Variants in ODF1 observed in about 807,000 individuals in gnomAD.
The protein encoded by ODF1 is outer dense fiber of sperm tails 1.
Under a neutral mutation model 24.0 loss-of-function variants are expected in ODF1, and 10 were observed. That is an observed-to-expected ratio of 0.42 (90% CI 0.26 to 0.71). ODF1 has a LOEUF of 0.71. Among genes scored for constraint, ODF1 ranks in the 30% least tolerant of loss-of-function variants. ODF1 has a pLI of 0.28. For synonymous variants in ODF1, 118 were observed against 121.3 expected, an observed-to-expected ratio of 0.97 and a Z score of 0.18; for missense variants, 282 against 307.9, an observed-to-expected ratio of 0.92 and a Z score of 0.63.
intron 1 of ODF1, among the ~76,000 whole-genome samples, chr8:102,552,977 C>T (rs147775816): frequency 1.5e-5 from 2 of 135,974 alleles, no homozygotes; most frequent in East Asian, 2.1e-4. Flanking sequence ...AGACAGATGA[C>T]AGATAGATAG....
intron 1 of ODF1, among the ~76,000 whole-genome samples, chr8:102,554,229 G>A (rs1188824381): frequency 1.3e-5 from 2 of 152,124 alleles, no homozygotes; most frequent in South Asian, 2.1e-4. Flanking sequence ...CTAAGCTAGC[G>A]CCTGATCCAT....
At chr8:102,555,137 C>T (rs1258901100) in intron 1 of ODF1, among the ~76,000 whole-genome samples, 1 of 152,120 alleles carries the variant, frequency 6.6e-6, no homozygotes, top group Non-Finnish European at 1.5e-5. Flanking sequence ...GTGTCCCTGT[C>T]TCTTCCTCCC....
At chr8:102,557,176 G>A (rs1826122218) in intron 1 of ODF1, among the ~76,000 whole-genome samples, 1 of 152,132 alleles carries the variant, frequency 6.6e-6, no homozygotes, top group African/African-American at 2.4e-5. Flanking sequence ...ATTTCCCTAT[G>A]TTTATTGAGA....
At chr8:102,557,105 C>T (rs986466861) in intron 1 of ODF1, among the ~76,000 whole-genome samples, 2 of 152,142 alleles carry the variant, frequency 1.3e-5, no homozygotes, top group Non-Finnish European at 2.9e-5. Context: ...GCAGCAGACA[C>T]AGGCACTGGC....
intron 1 of ODF1, among the ~76,000 whole-genome samples, chr8:102,553,269 C>A (rs554759078): frequency 6.7e-6 from 1 of 149,728 alleles, no homozygotes; most frequent in African/African-American, 2.5e-5. Context: ...CCCAGCTACT[C>A]GTGAGACTGA....
intron 1 of ODF1, among the ~76,000 whole-genome samples, chr8:102,553,626 C>A (rs1287004410): frequency 5.3e-5 from 8 of 152,190 alleles, no homozygotes; most frequent in African/African-American, 1.9e-4. Flanking sequence ...TCTCCTCCTA[C>A]TTTTGGATAC....
Position 102,560,525 on chromosome 8 carries a change from T to C in ODF1, c.394T>C (p.Cys132Arg). Residue 132 changes from cysteine (C) to arginine (R), a missense_variant, in exon 2 of 2, where the codon TGC becomes CGC. Transcript: ENST00000285402. ...TAACATTTTAGGATCGGTGAATGTA[T>C]GCGGTTTTGAACCCGATCAAGTCAA... The part of the protein sequence containing the change: ...SSNILGSVNV[C>R]GFEPDQVKVR... 2 of 1,614,216 alleles carry C rather than the reference T, an allele frequency of 1.2e-6. No homozygotes were observed. Among genetic ancestry groups the C allele is most frequent in the Non-Finnish European group, 1.7e-6 (2 of 1,180,034 alleles).
At chr8:102,555,553 A>G (rs1267984790) in intron 1 of ODF1, among the ~76,000 whole-genome samples, 2 of 152,050 alleles carry the variant, frequency 1.3e-5, no homozygotes, top group Non-Finnish European at 2.9e-5. Context: ...CTGCCTTCTC[A>G]TTTCTTGGTT....
Position 102,551,881 on chromosome 8 carries a change from T to C in ODF1, c.154T>C (p.Tyr52His). 6.2e-7 allele frequency: 1 copy of C among 1,614,134 alleles called. No homozygotes were observed. The highest frequency in any genetic ancestry group is 8.5e-7 in the Non-Finnish European group (1 of 1,180,036). Residue 52 changes from tyrosine to histidine, a missense_variant, in exon 1 of 2, where the codon TAT becomes CAT. Transcript: ENST00000285402. ...HPYCCCDLHP[Y>H]PYCLCYSKRS... The stretch of plus-strand genomic sequence containing the variant: ...CTATTGCTGCTGTGACTTGCACCCA[T>C]ATCCGTACTGCTTGTGCTATTCCAA...
rs534791072 is a variant in ODF1 at position 102,554,945 on chromosome 8, G to C, written c.320+2898G>C. 8.4e-4 allele frequency among the ~76,000 whole-genome samples: 128 copies of C among 152,192 alleles called. 3 individuals carry two copies. In the South Asian group the frequency reaches 0.026, roughly 31 times the overall value. On this transcript the variant is annotated intron_variant, in intron 1 of 1. Transcript: ENST00000285402. ...TACACTCCAGCCTGGACAATAGAAA[G>C]AGACCCTGTTTCAAAAAATAAATAA...
At chr8:102,552,560 C>T (rs1461996825) in intron 1 of ODF1, among the ~76,000 whole-genome samples, 4 of 152,102 alleles carry the variant, frequency 2.6e-5, no homozygotes, top group Non-Finnish European at 1.5e-5. Context: ...TCCCCCCACT[C>T]CAGGCAAAGA....
At position 102,553,008 on chromosome 8, in the gene ODF1, A is replaced by T. The variant is rs113795860; in HGVS notation, c.320+961A>T. ...GATAGATAGATAGATAGATAGATAGATAGATAGATGATAGATAGATAGAGT... is the reference window on the plus strand; with the variant it reads ...GATAGATAGATAGATAGATAGATAGTTAGATAGATGATAGATAGATAGAGT... On this transcript the variant is annotated intron_variant, in intron 1 of 1. Coordinates refer to ENST00000285402, the MANE Select transcript of ODF1 (RefSeq NM_024410.4). 0.013 allele frequency among the ~76,000 whole-genome samples: 1,505 copies of T among 113,218 alleles called. 65 individuals carry two copies. In the East Asian group the frequency reaches 0.15, roughly 11 times the overall value. 74.3% of individuals were successfully genotyped at this position (113,218 alleles called of 152,430 possible).
Position 102,560,863 on chromosome 8 carries a change from C to G in ODF1, c.732C>G (p.Ser244=). Residue 244 remains serine, a synonymous_variant, in exon 2 of 2, where the codon TCC becomes TCG. Transcript: ENST00000285402. ...GTTATCCCTGTGGAAGCCGATTTTC[C>G]TGTAGGAAGATGATTTTGTAAAGTG... ...NPCYPCGSRF[S]CRKMIL is the part of the protein sequence containing the mutation. The G allele has an allele frequency of 6.2e-7, 1 of 1,611,526 alleles. No individual in the cohort carries two copies. The highest frequency in any genetic ancestry group is 8.5e-7 in the Non-Finnish European group (1 of 1,178,458).
chr8:102,559,082 C>T (rs1316021970), intron 1 of ODF1, among the ~76,000 whole-genome samples: 1 of 149,122 alleles, frequency 6.7e-6, no homozygotes, highest in African/African-American at 2.5e-5. Flanking sequence ...AAAACCTTAA[C>T]ATCCTATGTG....
chr8:102,560,594 G>A lies in ODF1; in HGVS notation c.463G>A (p.Glu155Lys), dbSNP rs150451104. 456 of 1,614,222 alleles carry A rather than the reference G, an allele frequency of 2.8e-4. No homozygotes were observed. Among genetic ancestry groups the A allele is most frequent in the Admixed American group, 1.5e-3 (90 of 60,030 alleles). ...AAAGGTATGTGTGTCGGCTGAGCGG[G>A]AGAACAGGTACGACTGCCTTGGATC... ...DGKVCVSAER[E>K]NRYDCLGSKK... Residue 155 changes from glutamate to lysine, a missense_variant, in exon 2 of 2, where the codon GAG (glutamate) becomes AAG (lysine). Physicochemically the swap from Glu to Lys is moderately conservative, Grantham distance 56. Transcript: ENST00000285402.
chr8:102,558,453 CAAAAAAA>C (rs1346764710), intron 1 of ODF1, among the ~76,000 whole-genome samples: 1 of 149,832 alleles, frequency 6.7e-6, no homozygotes, highest in Non-Finnish European at 1.5e-5. Context: ...GACCCCGTCT[CAAAAAAA>C]AGAAAAAAGA....
intron 1 of ODF1, among the ~76,000 whole-genome samples, chr8:102,554,993 C>A (rs1468306379): frequency 6.6e-6 from 1 of 151,998 alleles, no homozygotes; most frequent in Non-Finnish European, 1.5e-5. Flanking sequence ...AAATCCAATC[C>A]ATTTCCATTC....
intron 1 of ODF1, among the ~76,000 whole-genome samples, chr8:102,554,269 AT>A (rs1230939891): frequency 6.6e-6 from 1 of 152,194 alleles, no homozygotes; most frequent in African/African-American, 2.4e-5. Flanking sequence ...TATCATGTTG[AT>A]TCAATTTTTT....
At chr8:102,558,737 T>C (rs765433382) in intron 1 of ODF1, among the ~76,000 whole-genome samples, 1 of 150,924 alleles carries the variant, frequency 6.6e-6, no homozygotes, top group Non-Finnish European at 1.5e-5. Context: ...TCTACATGTA[T>C]ATAGAACTAC....
Sources: allele counts gnomAD v4.1 joint callset (sites outside exome capture counted in the v4.1 genomes callset), GRCh38; gene constraint gnomAD v4.1.1; transcripts MANE v1.5; gene names NCBI Gene and HGNC (gene_info 2026-07-23, HGNC 2026-07-21).